Variants in C5 observed in about 807,000 individuals in gnomAD.
C5 encodes the protein complement C5, also known as C3 and PZP-like alpha-2-macroglobulin domain-containing protein 4.
A neutral mutation model predicts 218.8 loss-of-function variants in C5; 140 were observed. That is an observed-to-expected ratio of 0.64 (90% CI 0.56 to 0.74). The LOEUF (loss-of-function observed/expected upper bound fraction) is 0.74. C5 is among the 30% of genes least tolerant of loss of function. The pLI, the probability that C5 is intolerant of heterozygous loss-of-function variation, is 0.00. For synonymous variants in C5, 614 were observed against 682.3 expected, an observed-to-expected ratio of 0.90 and a Z score of 1.56; for missense variants, 1,700 against 1,969.6, an observed-to-expected ratio of 0.86 and a Z score of 2.59.
chr9:120,997,520 T>C (rs962647106), intron 21 of C5, 27 bp downstream of exon 21: 2 of 1,481,444 alleles, frequency 1.4e-6, no homozygotes, highest in Non-Finnish European at 1.9e-6. Context: ...AATTTAAGCA[T>C]AAGTTATTGA....
intron 12 of C5, 82 bp downstream of exon 12, chr9:121,019,894 G>C (rs1475741324): frequency 3.5e-6 from 3 of 867,794 alleles, no homozygotes; most frequent in Non-Finnish European, 5.8e-6. Flanking sequence ...AAGTATAAAG[G>C]ATAATTCTAA....
At chr9:121,037,309 T>C (rs1186746303) in intron 4 of C5, among the ~76,000 whole-genome samples, 4 of 151,506 alleles carry the variant, frequency 2.6e-5, no homozygotes, top group Admixed American at 6.6e-5. Flanking sequence ...TTGGTTTTTT[T>C]TTTTTTTTTA....
chr9:120,962,983 G>C lies in C5; in HGVS notation c.4324-16C>G. The C allele has an allele frequency of 6.3e-7, 1 of 1,593,256 alleles. No individual in the cohort carries two copies. Among genetic ancestry groups the C allele is most frequent in the South Asian group, 1.1e-5 (1 of 90,682 alleles). The stretch of plus-strand genomic sequence containing the variant: ...CTTCCACAAGCTAAGGGGGAAAAGA[G>C]AGAAGCTTGAATTTCATTTCATTAT... On this transcript the variant is annotated splice_polypyrimidine_tract_variant and intron_variant, in intron 34 of 40. Coordinates refer to ENST00000223642, the MANE Select transcript of C5 (RefSeq NM_001735.3).
chr9:120,974,733 A>AT, intron 30 of C5, 46 bp downstream of exon 30: 1 of 1,519,450 alleles, frequency 6.6e-7, no homozygotes, highest in Non-Finnish European at 9.1e-7. Flanking sequence ...GATGATTTCA[A>AT]TGGTCTCAGC....
At chr9:121,064,345 A>G in the C5 span, among the ~76,000 whole-genome samples, 1 of 152,194 alleles carries the variant, frequency 6.6e-6, no homozygotes, top group Non-Finnish European at 1.5e-5. Flanking sequence ...ATAGCTCCAG[A>G]AAACTATAAA....
chr9:121,038,941 C>T (rs1488764829), intron 3 of C5, among the ~76,000 whole-genome samples: 1 of 152,198 alleles, frequency 6.6e-6, no homozygotes, highest in African/African-American at 2.4e-5. Flanking sequence ...TTGGGACACA[C>T]CCAGTCTAGG....
intron 3 of C5, among the ~76,000 whole-genome samples, chr9:121,041,238 C>T (rs914913880): frequency 5.4e-5 from 8 of 149,406 alleles, no homozygotes; most frequent in Non-Finnish European, 8.9e-5. Context: ...GCCACTGTGC[C>T]TGGCCAGGTA....
At chr9:121,017,889 AT>A in intron 12 of C5, 37 bp from the exon 13 acceptor site, 1 of 1,336,268 alleles carries the variant, frequency 7.5e-7, no homozygotes, top group Non-Finnish European at 1.1e-6. Flanking sequence ...TAAGTAAAAA[AT>A]AAACAAACAA....
chr9:121,074,710 G>C, the C5 span: 2 of 430,020 alleles, frequency 4.7e-6, no homozygotes, highest in African/African-American at 2.0e-5. Flanking sequence ...GGCAGCTGCC[G>C]CATGAAACCT....
chr9:121,009,783 A>G (rs150740378), intron 17 of C5, among the ~76,000 whole-genome samples: 25 of 152,346 alleles, frequency 1.6e-4, no homozygotes, highest in African/African-American at 5.8e-4. Flanking sequence ...TTGAAGCACC[A>G]ATGCCACTCC....
At chr9:121,043,250 A>C (rs2047596727) in intron 2 of C5, 84 bp from the exon 3 acceptor site, 409 of 1,066,830 alleles carry the variant, frequency 3.8e-4, no homozygotes, top group Non-Finnish European at 5.2e-4. Context: ...CTGTAATCTC[A>C]TTAGAACAAT....
chr9:120,981,813 T>C (rs375463594), intron 27 of C5, 31 bp downstream of exon 27: 12 of 1,423,886 alleles, frequency 8.4e-6, no homozygotes, highest in African/African-American at 1.4e-5. Context: ...AAATAGATGA[T>C]GGGTGTGAGA....
chr9:120,996,982 A>G (rs1323978801), intron 21 of C5, among the ~76,000 whole-genome samples: 1 of 151,980 alleles, frequency 6.6e-6, no homozygotes, highest in Admixed American at 6.5e-5. Context: ...TAGCGTGAAT[A>G]CAATTAACAG....
At chr9:121,032,000 T>C (rs917418651) in intron 6 of C5, 113 bp downstream of exon 6, 10 of 622,204 alleles carry the variant, frequency 1.6e-5, no homozygotes, top group Non-Finnish European at 2.4e-5. Flanking sequence ...GAGGCGGAGG[T>C]TGCAGTGAGC....
At chr9:120,962,579 C>A (rs1206772958) in intron 36 of C5, 92 bp downstream of exon 36, 1 of 965,226 alleles carries the variant, frequency 1.0e-6, no homozygotes, top group African/African-American at 1.6e-5. Flanking sequence ...AGAGGCAATA[C>A]ATAAAATTTA....
chr9:120,953,089 A>AT lies in C5; in HGVS notation c.4902-222dup, dbSNP rs1028513424. Among the ~76,000 whole-genome samples, 5 of 151,734 alleles carry AT rather than the reference A, an allele frequency of 3.3e-5. No individual in the cohort carries two copies. The East Asian group carries it at 7.8e-4, about 24-fold the overall frequency. ...CAGGTGCCTGCCACCACGCCCGGCT[A>AT]TTTTTTTTGTATTTTTAGTAGAGAC... is the stretch of plus-strand genomic sequence containing the variant. On this transcript the variant is annotated intron_variant, in intron 40 of 40. Transcript: ENST00000223642.
At chr9:121,032,404 G>A (rs41304856) in intron 5 of C5, among the ~76,000 whole-genome samples, 2,676 of 152,226 alleles carry the variant, frequency 0.018, 37 homozygotes, top group Middle Eastern at 0.071. Context: ...TTAGTAACCA[G>A]TTTTTCATAT....
rs762212329 is a variant in C5 at position 120,972,010 on chromosome 9, A to G, written c.4018-18T>C. The G allele has an allele frequency of 2.1e-5, 26 of 1,253,776 alleles. No individual in the cohort carries two copies. The highest frequency in any genetic ancestry group is 2.8e-5 in the Non-Finnish European group (26 of 941,300). 77.7% of individuals were successfully genotyped at this position (1,253,776 alleles called of 1,614,324 possible). A position where few individuals can be genotyped will look rare whatever the true frequency, so the allele number is the denominator to read the frequency against. On this transcript the variant is annotated intron_variant, in intron 30 of 40. Transcript: ENST00000223642. ...AGAAGCACCTGGAAAGATAATAGAG[A>G]AACAAACCATGCTTTCTTTCATCAT...
the C5 span, among the ~76,000 whole-genome samples, chr9:121,056,352 T>C: frequency 6.6e-6 from 1 of 152,160 alleles, no homozygotes; most frequent in Non-Finnish European, 1.5e-5. Flanking sequence ...TTCAATGAAC[T>C]TCAAGACAAC....
Sources: gnomAD v4.1 joint callset for allele counts (sites outside exome capture counted in the v4.1 genomes callset) on GRCh38, gnomAD v4.1.1 for gene constraint, MANE v1.5 for transcripts, NCBI Gene and HGNC (gene_info 2026-07-23, HGNC 2026-07-21) for gene names.